The following MYO9A variants were observed in gnomAD, a reference collection of about 807,000 sequenced individuals.
The protein encoded by MYO9A is unconventional myosin-IXa.
A neutral mutation model predicts 293.3 loss-of-function variants in MYO9A; 103 were observed. That is an observed-to-expected ratio of 0.35 (90% CI 0.30 to 0.41). MYO9A has a LOEUF of 0.41. MYO9A is among the 10% of genes least tolerant of loss of function. The pLI is 1.00. For synonymous variants in MYO9A, 1,001 were observed against 1,035.7 expected (o/e 0.97, Z 0.64); for missense variants, 2,685 against 3,033.0 (o/e 0.89, Z 2.69).
chr15:71,847,476 A>G (rs186926343), intron 39 of MYO9A: 1 of 453,438 alleles, frequency 2.2e-6, no homozygotes, highest in Admixed American at 2.4e-5. Context: ...TTTCTGGATT[A>G]GGAAGGACAT....
rs1039139644 is a variant in MYO9A at position 71,902,914 on chromosome 15, G to A, written c.3000+27C>T. On this transcript the variant is annotated intron_variant, in intron 22 of 41. Coordinates refer to ENST00000356056, the MANE Select transcript of MYO9A (RefSeq NM_006901.4). ...TTTTTAAATAAATGCACTCAATTTT[G>A]ACCAGAGCTATACAGATTATATTTA... is the stretch of plus-strand genomic sequence containing the variant. 27 of 1,447,270 alleles carry A rather than the reference G, an allele frequency of 1.9e-5. No individual in the cohort carries two copies. The Admixed American group carries it at 6.7e-4, about 36-fold the overall frequency. 89.7% of individuals were successfully genotyped at this position (1,447,270 alleles called of 1,614,324 possible).
At chr15:71,850,656 T>C (rs935174435) in intron 37 of MYO9A, among the ~76,000 whole-genome samples, 1 of 150,180 alleles carries the variant, frequency 6.7e-6, no homozygotes, top group African/African-American at 2.5e-5. Context: ...ATCCCAGCTA[T>C]GTAGGGGGCT....
intron 21 of MYO9A, among the ~76,000 whole-genome samples, chr15:71,903,272 A>G (rs2057536562): frequency 1.3e-5 from 2 of 152,170 alleles, no homozygotes; most frequent in Admixed American, 1.3e-4. Flanking sequence ...ATGACATCAA[A>G]AGGGAATGAG....
intron 30 of MYO9A, 136 bp downstream of exon 30, chr15:71,879,585 C>A (rs1596092573): frequency 3.2e-6 from 2 of 630,942 alleles, no homozygotes; most frequent in East Asian, 5.6e-5. Context: ...ATTCATTTTC[C>A]TTGTCTATCC....
At chr15:71,832,715 T>C (rs935788096) in intron 39 of MYO9A, among the ~76,000 whole-genome samples, 5 of 152,126 alleles carry the variant, frequency 3.3e-5, no homozygotes, top group Admixed American at 1.3e-4. Flanking sequence ...TGAAAATGTC[T>C]CGAAGAAAAG....
At chr15:71,838,632 C>T (rs1241384866) in intron 39 of MYO9A, among the ~76,000 whole-genome samples, 1 of 152,062 alleles carries the variant, frequency 6.6e-6, no homozygotes, top group Non-Finnish European at 1.5e-5. Flanking sequence ...GTCTCAAGTC[C>T]TACTAAATCA....
chr15:72,010,892 G>T (rs1330322574), intron 6 of MYO9A, among the ~76,000 whole-genome samples: 1 of 152,110 alleles, frequency 6.6e-6, no homozygotes, highest in East Asian at 1.9e-4. Flanking sequence ...CTAGATATTA[G>T]TGACACAAAA....
chr15:72,093,652 TGAG>T (rs1468180549), intron 1 of MYO9A, among the ~76,000 whole-genome samples: 2 of 139,816 alleles, frequency 1.4e-5, no homozygotes, highest in African/African-American at 2.4e-5. Flanking sequence ...TTTGGGAGGC[TGAG>T]ATGGGTGGAT....
intron 1 of MYO9A, among the ~76,000 whole-genome samples, chr15:72,056,839 G>A (rs2078733267): frequency 6.6e-6 from 1 of 152,184 alleles, no homozygotes; most frequent in African/African-American, 2.4e-5. Context: ...GCTGGGCACA[G>A]TGGCTCACAC....
At chr15:71,856,778 C>T (rs1286325773) in intron 34 of MYO9A, among the ~76,000 whole-genome samples, 1 of 152,096 alleles carries the variant, frequency 6.6e-6, no homozygotes, top group African/African-American at 2.4e-5. Flanking sequence ...AAAAGCATTT[C>T]CAAGTCTAAG....
intron 32 of MYO9A, among the ~76,000 whole-genome samples, chr15:71,867,695 C>A (rs1207595642): frequency 6.7e-6 from 1 of 150,110 alleles, no homozygotes; most frequent in Non-Finnish European, 1.5e-5. Flanking sequence ...GAGATACAAA[C>A]TACAAAATGA....
At chr15:72,087,324 T>A (rs747692497) in intron 1 of MYO9A, among the ~76,000 whole-genome samples, 2 of 152,224 alleles carry the variant, frequency 1.3e-5, no homozygotes, top group East Asian at 1.9e-4. Flanking sequence ...TGGGCATCCC[T>A]GGCCATGCTC....
chr15:72,064,881 C>G (rs1367648769), intron 1 of MYO9A, among the ~76,000 whole-genome samples: 1 of 152,162 alleles, frequency 6.6e-6, no homozygotes, highest in African/African-American at 2.4e-5. Context: ...TATTTGAAAT[C>G]TAATGGACCT....
chr15:71,836,079 G>C (rs893423501), intron 39 of MYO9A, among the ~76,000 whole-genome samples: 1 of 151,786 alleles, frequency 6.6e-6, no homozygotes, highest in Non-Finnish European at 1.5e-5. Context: ...CATCAAAAAA[G>C]AAAGGAAAAA....
intron 39 of MYO9A, among the ~76,000 whole-genome samples, chr15:71,841,158 G>A (rs2055144765): frequency 1.3e-5 from 2 of 151,878 alleles, no homozygotes; most frequent in African/African-American, 2.4e-5. Flanking sequence ...CTTGAGTTTT[G>A]CATGTATATA....
At chr15:71,880,689 CATT>C in intron 28 of MYO9A, 131 bp from the exon 29 acceptor site, 1 of 767,410 alleles carries the variant, frequency 1.3e-6, no homozygotes, top group Non-Finnish European at 2.1e-6. Flanking sequence ...AGCAAAGTAA[CATT>C]AATGTTTGAG....
At chr15:71,932,353 A>C (rs1485157348) in intron 18 of MYO9A, among the ~76,000 whole-genome samples, 1 of 152,064 alleles carries the variant, frequency 6.6e-6, no homozygotes, top group Non-Finnish European at 1.5e-5. Context: ...CAATTCCCAG[A>C]ACTATAAGGT....
In MYO9A at chr15:71,913,620, T is replaced by C. The variant is rs145980844; in HGVS notation, c.2685+2750A>G. Reference sequence around the variant, plus strand: ...TCCCCCTTGTTATGGGTTATTTTTTTCCTGACTCTTTGCCTGCCTTGTAAT... The same window carrying C: ...TCCCCCTTGTTATGGGTTATTTTTTCCCTGACTCTTTGCCTGCCTTGTAAT... On this transcript the variant is annotated intron_variant, in intron 19 of 41. Transcript: ENST00000356056. Among the ~76,000 whole-genome samples, 28 of 152,330 alleles carry C rather than the reference T, an allele frequency of 1.8e-4. No individual in the cohort carries two copies. In the East Asian group the frequency reaches 5.2e-3, roughly 28 times the overall value.
At chr15:72,058,819 T>C (rs2078796889) in intron 1 of MYO9A, among the ~76,000 whole-genome samples, 2 of 152,110 alleles carry the variant, frequency 1.3e-5, no homozygotes. Context: ...AAAACTGTGG[T>C]GAAGAAAGAA....
Sources: allele counts gnomAD v4.1 joint callset (sites outside exome capture counted in the v4.1 genomes callset), GRCh38; gene constraint gnomAD v4.1.1; transcripts MANE v1.5; gene names NCBI Gene and HGNC (gene_info 2026-07-23, HGNC 2026-07-21).